NOVA2: variants seen among roughly 807,000 people sequenced by gnomAD.
NOVA2 encodes NOVA alternative splicing regulator 2.
A neutral mutation model predicts 22.5 loss-of-function variants in NOVA2; 9 were observed. The observed-to-expected ratio is 0.40, with a 90% confidence interval of 0.24 to 0.70. The LOEUF (loss-of-function observed/expected upper bound fraction) is 0.70, where lower values mean the gene tolerates loss of function less well. Among genes scored for constraint, NOVA2 ranks in the 30% least tolerant of loss-of-function variants. NOVA2 has a pLI of 0.38. For missense variants in NOVA2, 383 were observed against 682.8 expected (o/e 0.56, Z 4.89); for synonymous variants, 318 against 335.2 (o/e 0.95, Z 0.56).
chr19:45,951,417 G>C (rs1967923109), intron 3 of NOVA2, among the ~76,000 whole-genome samples: 1 of 152,124 alleles, frequency 6.6e-6, no homozygotes, highest in Non-Finnish European at 1.5e-5. Flanking sequence ...AGGAATTCGA[G>C]ACTGGCCTGG....
intron 1 of NOVA2, among the ~76,000 whole-genome samples, chr19:45,964,558 C>A (rs1568672002): frequency 4.4e-5 from 1 of 22,894 alleles, no homozygotes; most frequent in East Asian, 2.2e-3. Flanking sequence ...CTAACACTCT[C>A]TGATCTCTCT....
Position 45,940,294 on chromosome 19 carries a change from G to A in NOVA2, c.1048C>T (p.Pro350Ser). The A allele has an allele frequency of 8.9e-7, 1 of 1,126,670 alleles. No individual in the cohort carries two copies. Among genetic ancestry groups the A allele is most frequent in the Non-Finnish European group, 1.1e-6 (1 of 923,838 alleles). The allele number at this position is 1,126,670 out of a possible 1,614,324, so 69.8% of individuals were successfully genotyped here. Reference protein sequence around the residue: ...GGAAPPPPPPPGALGSFALAA... With the variant: ...GGAAPPPPPPSGALGSFALAA... ...AACGCAAAGGACCCCAGGGCTCCGG[G>A]AGGCGGGGGCGGCGGCGGGGCGGCC... Residue 350 changes from proline to serine, a missense_variant, in exon 4 of 4, where the codon CCC becomes TCC. Pro to Ser is a moderately conservative substitution (Grantham distance 74). Around this residue, in one of 2 missense-constraint regions of NOVA2, gnomAD observed 349 missense variants for 578.1 expected, o/e 0.60. Coordinates refer to ENST00000263257, the MANE Select transcript of NOVA2 (RefSeq NM_002516.4).
chr19:45,959,890 C>T (rs1190063500), intron 2 of NOVA2, among the ~76,000 whole-genome samples: 1 of 151,516 alleles, frequency 6.6e-6, no homozygotes, highest in Admixed American at 6.6e-5. Context: ...GGCTCCAGCT[C>T]TGGTGTTTGA....
chr19:45,953,691 T>G, intron 3 of NOVA2, 89 bp downstream of exon 3: 1 of 1,489,602 alleles, frequency 6.7e-7, no homozygotes, highest in Non-Finnish European at 9.3e-7. Context: ...TTTGTCCCAT[T>G]GAACCTCACA....
At chr19:45,973,159 CT>C (rs1362820207) in intron 1 of NOVA2, 107 bp downstream of exon 1, 2 of 355,816 alleles carry the variant, frequency 5.6e-6, no homozygotes, top group Non-Finnish European at 9.8e-6. Context: ...GGAGGGGTGT[CT>C]CTCCCCTCCC....
In NOVA2 at chr19:45,933,898, G is replaced by C. The variant is rs1279162501; in HGVS notation, c.*5965C>G. 6.6e-6 allele frequency: 1 copy of C among 152,012 alleles called. No individual in the cohort carries two copies. Among genetic ancestry groups the C allele is most frequent in the Admixed American group, 6.6e-5 (1 of 15,248 alleles). The allele number at this position is 152,012 out of a possible 1,614,324, so 9.4% of individuals were successfully genotyped here. A position where few individuals can be genotyped will look rare whatever the true frequency, so the allele number is the denominator to read the frequency against. The stretch of plus-strand genomic sequence containing the variant: ...GGGTGGGTGAGTGGGTGGGGTGGGC[G>C]TGGCCCAGGCATGGCAATGTGGGGA... On this transcript the variant is annotated 3_prime_UTR_variant, in exon 4 of 4. Coordinates refer to ENST00000263257, the MANE Select transcript of NOVA2 (RefSeq NM_002516.4).
Position 45,940,501 on chromosome 19 carries a change from T to G in NOVA2, c.841A>C (p.Thr281Pro). Residue 281 changes from threonine (T) to proline (P), a missense_variant, in exon 4 of 4, where the codon ACG (threonine) becomes CCG (proline). Physicochemically the swap from Thr to Pro is conservative, Grantham distance 38. This residue lies in a region of NOVA2 where 349 missense variants were observed against 578.1 expected (regional missense o/e 0.60). Transcript: ENST00000263257. ...FSGTDLLAIS[T>P]ALNTLASYGY... ...TAACTTGCCAGCGTGTTAAGCGCCG[T>G]GCTGATGGCCAGCAGGTCGGTGCCT... 6.6e-7 allele frequency: 1 copy of G among 1,522,942 alleles called. No individual in the cohort carries two copies. The highest frequency in any genetic ancestry group is 8.8e-7 in the Non-Finnish European group (1 of 1,135,978). The allele number at this position is 1,522,942 out of a possible 1,614,324, so 94.3% of individuals were successfully genotyped here.
chr19:45,970,804 A>G (rs1968223349), intron 1 of NOVA2, among the ~76,000 whole-genome samples: 1 of 152,164 alleles, frequency 6.6e-6, no homozygotes, highest in African/African-American at 2.4e-5. Flanking sequence ...TTTTGGGATC[A>G]AAGTCCTGGA....
chr19:45,972,590 CCT>C (rs1163168247), intron 1 of NOVA2, among the ~76,000 whole-genome samples: 2 of 152,118 alleles, frequency 1.3e-5, no homozygotes, highest in Non-Finnish European at 2.9e-5. Flanking sequence ...GCCCCTGTCC[CCT>C]GTCTTTCTCA....
chr19:45,943,052 ACTTT>A (rs1310454236), intron 3 of NOVA2, among the ~76,000 whole-genome samples: 2 of 68,468 alleles, frequency 2.9e-5, no homozygotes, highest in Admixed American at 5.0e-4. Context: ...CTATATGTCT[ACTTT>A]TTTTTTTTTT....
intron 2 of NOVA2, 134 bp downstream of exon 2, chr19:45,960,876 G>T: frequency 2.2e-6 from 2 of 916,872 alleles, no homozygotes; most frequent in Admixed American, 2.9e-5. Flanking sequence ...GTCCCCTTAG[G>T]GGAAGGGGAG....
At position 45,953,696 on chromosome 19, in the gene NOVA2, C is replaced by T. The variant is rs1600607650; in HGVS notation, c.396+84G>A. 5 of 1,509,978 alleles carry T rather than the reference C, an allele frequency of 3.3e-6. No homozygotes were observed. The East Asian group carries it at 9.1e-5, about 27-fold the overall frequency. The allele number at this position is 1,509,978 out of a possible 1,614,324, so 93.5% of individuals were successfully genotyped here. On this transcript the variant is annotated intron_variant, in intron 3 of 3. Coordinates refer to ENST00000263257, the MANE Select transcript of NOVA2 (RefSeq NM_002516.4). ...TTTTATCAGCTTTGTCCCATTGAACCTCACAGTAAGCAGTGATGTGGGAGG... is the reference window on the plus strand; with the variant it reads ...TTTTATCAGCTTTGTCCCATTGAACTTCACAGTAAGCAGTGATGTGGGAGG...
Position 45,939,794 on chromosome 19 carries a change from G to T in NOVA2, c.*69C>A, listed in dbSNP as rs573915980. 7.6e-6 allele frequency: 12 copies of T among 1,582,500 alleles called. No individual in the cohort carries two copies. The highest frequency in any genetic ancestry group is 7.1e-5 in the Admixed American group (4 of 56,166). The stretch of plus-strand genomic sequence containing the variant: ...TACACCAAGCTGAGGTCAGGAGTTG[G>T]GGGGGAGGAGGAGAGGGAAGAGGAG... On this transcript the variant is annotated 3_prime_UTR_variant, in exon 4 of 4. Transcript: ENST00000263257.
In NOVA2 at chr19:45,940,548, G is replaced by A. The variant is rs748551165; in HGVS notation, c.794C>T (p.Pro265Leu). 1.3e-6 allele frequency: 2 copies of A among 1,485,104 alleles called. No individual in the cohort carries two copies. Among genetic ancestry groups the A allele is most frequent in the Non-Finnish European group, 8.9e-7 (1 of 1,120,288 alleles). 92.0% of individuals were successfully genotyped at this position (1,485,104 alleles called of 1,614,324 possible). A position where few individuals can be genotyped will look rare whatever the true frequency, so the allele number is the denominator to read the frequency against. ...PAGLAGVGAF[P>L]AALPAFSGTD... ...GCCTGAGAAGGCGGGCAGCGCGGCG[G>A]GAAAGGCCCCCACGCCAGCCAGCCC... Residue 265 changes from proline (P) to leucine (L), a missense_variant, in exon 4 of 4, where the codon CCC becomes CTC. Physicochemically the swap from Pro to Leu is moderately conservative, Grantham distance 98. Around this residue, in one of 2 missense-constraint regions of NOVA2, gnomAD observed 349 missense variants for 578.1 expected, o/e 0.60. Coordinates refer to ENST00000263257, the MANE Select transcript of NOVA2 (RefSeq NM_002516.4).
At position 45,953,858 on chromosome 19, in the gene NOVA2, G is replaced by T; in HGVS notation, c.318C>A (p.Ile106=). The change falls in exon 3 of 4, where the codon ATC becomes ATA. Residue 106 remains isoleucine (I), a synonymous_variant. Coordinates refer to ENST00000263257, the MANE Select transcript of NOVA2 (RefSeq NM_002516.4). ...HSFIAEKVRE[I]PQAMTKPEVV... ...CCTCAGGCTTGGTCATCGCTTGTGG[G>T]ATTTCTCGGACCTTCTCGGCAATAA... 6.2e-7 allele frequency: 1 copy of T among 1,614,204 alleles called. No homozygotes were observed. The highest frequency in any genetic ancestry group is 8.5e-7 in the Non-Finnish European group (1 of 1,180,036).
At chr19:45,973,101 AG>A (rs1968254848) in intron 1 of NOVA2, among the ~76,000 whole-genome samples, 165 bp downstream of exon 1, 1 of 127,864 alleles carries the variant, frequency 7.8e-6, no homozygotes, top group African/African-American at 3.0e-5. Flanking sequence ...CGAGAGGAGG[AG>A]GGGGTCCAGC....
intron 1 of NOVA2, among the ~76,000 whole-genome samples, chr19:45,962,899 C>T (rs1258545209): frequency 1.3e-5 from 2 of 152,092 alleles, no homozygotes; most frequent in South Asian, 2.1e-4. Context: ...CCGCCCACCT[C>T]GGCCTCCCAA....
rs1359230460 is a variant in NOVA2, at chr19:45,940,561, C to A, written c.781G>T (p.Val261Leu). ...GGCAGCGCGGCGGGAAAGGCCCCCA[C>A]GCCAGCCAGCCCGGCGGGGCCCAGC... ...GLLGPAGLAGVGAFPAALPAF... is the reference protein window; with the variant it reads ...GLLGPAGLAGLGAFPAALPAF... The change falls in exon 4 of 4, where the codon GTG (valine) becomes TTG (leucine). Residue 261 changes from valine to leucine, a missense_variant. By Grantham distance (32) the Val-to-Leu change is conservative. Around this residue, in one of 2 missense-constraint regions of NOVA2, gnomAD observed 349 missense variants for 578.1 expected, o/e 0.60. Coordinates refer to ENST00000263257, the MANE Select transcript of NOVA2 (RefSeq NM_002516.4). 6.1e-6 allele frequency: 9 copies of A among 1,464,174 alleles called. No homozygotes were observed. Among genetic ancestry groups the A allele is most frequent in the Non-Finnish European group, 8.1e-6 (9 of 1,109,758 alleles). 90.7% of individuals were successfully genotyped at this position (1,464,174 alleles called of 1,614,324 possible).
rs1395083980 is a variant in NOVA2 at position 45,964,205 on chromosome 19, A to G, written c.86-3052T>C. 5.6e-5 allele frequency among the ~76,000 whole-genome samples: 7 copies of G among 125,774 alleles called. No homozygotes were observed. In the South Asian group the frequency reaches 1.2e-3, roughly 22 times the overall value. 82.5% of individuals were successfully genotyped at this position (125,774 alleles called of 152,430 possible). The stretch of plus-strand genomic sequence containing the variant: ...TTTTTTTTTTTTTTTTTTTGAGACA[A>G]TCTCGCTCTTGTCACCCAGGCTGCA... On this transcript the variant is annotated intron_variant, in intron 1 of 3. Coordinates refer to ENST00000263257, the MANE Select transcript of NOVA2 (RefSeq NM_002516.4).
Sources: allele counts gnomAD v4.1 joint callset (sites outside exome capture counted in the v4.1 genomes callset), GRCh38; gene constraint gnomAD v4.1.1; regional missense constraint gnomAD v4.1.1; transcripts MANE v1.5; gene names NCBI Gene and HGNC (gene_info 2026-07-23, HGNC 2026-07-21).